ZNF483: variants seen among roughly 807,000 people sequenced by gnomAD.
ZNF483 encodes zinc finger protein 483.
A neutral mutation model predicts 28.6 loss-of-function variants in ZNF483; 9 were observed. The observed-to-expected ratio is 0.32, with a 90% CI of 0.19 to 0.55. The LOEUF is 0.55. Among genes scored for constraint, ZNF483 ranks in the 20% least tolerant of loss-of-function variants. ZNF483 has a pLI of 0.93. For missense variants in ZNF483, 675 were observed against 871.7 expected, an observed-to-expected ratio of 0.77 and a Z score of 2.84; for synonymous variants, 322 against 306.2, an observed-to-expected ratio of 1.05 and a Z score of -0.54.
At chr9:111,560,275 T>TC (rs1828234983), downstream of ZNF483, among the ~76,000 whole-genome samples, 2 of 150,744 alleles carry the variant, frequency 1.3e-5, no homozygotes, top group Non-Finnish European at 3.0e-5. Context: ...GGTCAGGAGA[T>TC]CGAGACCATC....
chr9:111,543,861 C>G lies in ZNF483; in HGVS notation c.*691C>G, dbSNP rs1827737844. On this transcript the variant is annotated 3_prime_UTR_variant, in exon 6 of 6. Coordinates refer to ENST00000309235, the MANE Select transcript of ZNF483 (RefSeq NM_133464.5). Reference sequence around the variant, plus strand: ...TCTTGAACTCCTGGGCTCAAGTGATCCTTCCATCTCACTTTCCTGAGTAGC... The same window carrying G: ...TCTTGAACTCCTGGGCTCAAGTGATGCTTCCATCTCACTTTCCTGAGTAGC... The G allele has an allele frequency of 1.0e-6, 1 of 968,456 alleles. No individual in the cohort carries two copies. The highest frequency in any genetic ancestry group is 6.4e-5 in the Admixed American group (1 of 15,742). 60.0% of individuals were successfully genotyped at this position (968,456 alleles called of 1,614,324 possible). A position where few individuals can be genotyped will look rare whatever the true frequency, so the allele number is the denominator to read the frequency against.
intron 5 of ZNF483, among the ~76,000 whole-genome samples, chr9:111,573,768 A>G (rs1828936206): frequency 6.6e-6 from 1 of 152,176 alleles, no homozygotes; most frequent in Non-Finnish European, 1.5e-5. Context: ...GGCCTGTACA[A>G]GGCATCTCAC....
exon 6 of ZNF483, chr9:111,576,616 A>T: frequency 1.8e-6 from 1 of 552,302 alleles, no homozygotes; most frequent in South Asian, 2.7e-5. Flanking sequence ...ATAAAATAAA[A>T]GCTACTAGGA....
At chr9:111,573,818 T>C (rs982221345) in intron 5 of ZNF483, among the ~76,000 whole-genome samples, 2 of 152,194 alleles carry the variant, frequency 1.3e-5, no homozygotes, top group African/African-American at 2.4e-5. Context: ...TGGTTGATAC[T>C]GCTTTTGGAC....
Position 111,542,726 on chromosome 9 carries a change from T to C in ZNF483, c.1791T>C (p.His597=), listed in dbSNP as rs558664988. The C allele has an allele frequency of 1.2e-6, 2 of 1,614,136 alleles. No individual in the cohort carries two copies. Among genetic ancestry groups the C allele is most frequent in the South Asian group, 1.1e-5 (1 of 91,090 alleles). Residue 597 remains histidine, a synonymous_variant, in exon 6 of 6, where the codon CAT becomes CAC. Coordinates refer to ENST00000309235, the MANE Select transcript of ZNF483 (RefSeq NM_133464.5). This position sits in a 1 kb window ranked among gnomAD's most constrained non-coding sequence, Gnocchi z 6.2. Reference sequence around the variant, plus strand: ...GGCAGAATTCATGCCTTACCCGGCATCAGAGAATTCACACTGGAGAAAAAC... The same window carrying C: ...GGCAGAATTCATGCCTTACCCGGCACCAGAGAATTCACACTGGAGAAAAAC... ...AFRQNSCLTR[H]QRIHTGEKPY... is the part of the protein sequence containing the mutation.
intron 3 of ZNF483, 45 bp from the exon 4 acceptor site, chr9:111,533,694 C>G (rs374717512): frequency 2.0e-6 from 3 of 1,508,920 alleles, no homozygotes; most frequent in Non-Finnish European, 1.8e-6. Context: ...TACTTAGGTT[C>G]TATTTGGGAA....
In ZNF483 at chr9:111,530,794, TATATATACATATATATATATAA is replaced by T. The variant is rs1264581591; in HGVS notation, c.413-80_413-59del. 5.2e-3 allele frequency: 287 copies of T among 55,496 alleles called. 2 individuals are homozygous for T. Among genetic ancestry groups the T allele is most frequent in the African/African-American group, 0.024 (227 of 9,564 alleles). 3.4% of individuals were successfully genotyped at this position (55,496 alleles called of 1,614,324 possible). On this transcript the variant is annotated intron_variant, in intron 2 of 5. Transcript: ENST00000309235. Reference sequence around the variant, plus strand: ...ATATATATATATATATATATATATATATATATACATATATATATATAAGATTTTTAGTCTGAGGAATCTGTAT... The same window carrying T: ...ATATATATATATATATATATATATATGATTTTTAGTCTGAGGAATCTGTAT...
rs188133629 is a variant in ZNF483, at chr9:111,565,268, T to C, written c.722-11097T>C. ...CAGGGAAAAGGAAGCCATCTACAAG[T>C]TGAAAAGAGAGAGGCCTGCAAAGAA... is the stretch of plus-strand genomic sequence containing the variant. On this transcript the variant is annotated intron_variant, in intron 5 of 5. Coordinates refer to the ZNF483 transcript ENST00000358151. Among the ~76,000 whole-genome samples, 455 of 151,984 alleles carry C rather than the reference T, an allele frequency of 3.0e-3. 1 individual carries two copies. The highest frequency in any genetic ancestry group is 4.5e-3 in the Non-Finnish European group (308 of 67,964).
chr9:111,537,146 G>A (rs550456710), intron 5 of ZNF483, among the ~76,000 whole-genome samples: 1 of 151,972 alleles, frequency 6.6e-6, no homozygotes, highest in East Asian at 1.9e-4. Context: ...GGAGGGAACC[G>A]CAAGAGATCC....
chr9:111,534,465 A>T lies in ZNF483; in HGVS notation c.721+112A>T, dbSNP rs138890877. On this transcript the variant is annotated intron_variant, in intron 5 of 5. Transcript: ENST00000309235. ...GATACTAAAATACAAAGATGATTAG[A>T]ATAGAGCCCTTGCCTTCCTGAAATG... The T allele has an allele frequency of 6.9e-4, 611 of 883,964 alleles. 1 individual carries two copies. In the African/African-American group the frequency reaches 7.6e-3, roughly 11 times the overall value. The allele number at this position is 883,964 out of a possible 1,614,324, so 54.8% of individuals were successfully genotyped here. A position where few individuals can be genotyped will look rare whatever the true frequency, so the allele number is the denominator to read the frequency against.
chr9:111,541,414 G>A (rs114808800), intron 5 of ZNF483, among the ~76,000 whole-genome samples: 47 of 152,092 alleles, frequency 3.1e-4, no homozygotes, highest in Non-Finnish European at 5.1e-4. Flanking sequence ...AATTCAAAAT[G>A]AGGGTGAGAA....
chr9:111,570,551 A>G (rs1308557117), intron 5 of ZNF483, among the ~76,000 whole-genome samples: 7 of 151,932 alleles, frequency 4.6e-5, no homozygotes, highest in Non-Finnish European at 1.0e-4. Context: ...CGGGCAGATC[A>G]CAAGGTCAGG....
At position 111,554,663 on chromosome 9, in the gene ZNF483, T is replaced by C. The variant is rs1364213511; in HGVS notation, c.*11493T>C. 6.6e-6 allele frequency among the ~76,000 whole-genome samples: 1 copy of C among 152,204 alleles called. No homozygotes were observed. Among genetic ancestry groups the C allele is most frequent in the Non-Finnish European group, 1.5e-5 (1 of 68,034 alleles). ...CTGGACAAAGGGATAATTTGTGTCCTAGGAGGCACGGAGCAGGATGGCAAG... is the reference window on the plus strand; with the variant it reads ...CTGGACAAAGGGATAATTTGTGTCCCAGGAGGCACGGAGCAGGATGGCAAG... On this transcript the variant is annotated 3_prime_UTR_variant, in exon 6 of 6. Coordinates refer to ENST00000309235, the MANE Select transcript of ZNF483 (RefSeq NM_133464.5).
At chr9:111,574,586 CA>C in intron 5 of ZNF483, 1 of 528,188 alleles carries the variant, frequency 1.9e-6, no homozygotes, top group Non-Finnish European at 3.2e-6. Flanking sequence ...TGAGCACTCA[CA>C]AAGTGAGACT....
chr9:111,563,405 G>C (rs1469779579), intron 5 of ZNF483: 1 of 544,178 alleles, frequency 1.8e-6, no homozygotes, highest in Non-Finnish European at 3.1e-6. Flanking sequence ...CACTTACACA[G>C]TACATGTAAA....
chr9:111,548,796 A>G lies in ZNF483; in HGVS notation c.*5626A>G, dbSNP rs1827860577. Among the ~76,000 whole-genome samples the G allele has an allele frequency of 6.8e-6, 1 of 147,064 alleles. No individual in the cohort carries two copies. Among genetic ancestry groups the G allele is most frequent in the East Asian group, 2.0e-4 (1 of 5,106 alleles). On this transcript the variant is annotated 3_prime_UTR_variant, in exon 6 of 6. Coordinates refer to ENST00000309235, the MANE Select transcript of ZNF483 (RefSeq NM_133464.5). ...CTTGTTTGAAGGACAGTTTTGCTGTATATAGAATTCTCAGTTGACAGTTTT... is the reference window on the plus strand; with the variant it reads ...CTTGTTTGAAGGACAGTTTTGCTGTGTATAGAATTCTCAGTTGACAGTTTT...
In ZNF483 at chr9:111,547,007, A is replaced by T. The variant is rs1451244196; in HGVS notation, c.*3837A>T. Among the ~76,000 whole-genome samples the T allele has an allele frequency of 6.6e-6, 1 of 152,192 alleles. No individual in the cohort carries two copies. Among genetic ancestry groups the T allele is most frequent in the African/African-American group, 2.4e-5 (1 of 41,458 alleles). Reference sequence around the variant, plus strand: ...TCAAGGTTCGGCCGTGTTGTAGCACATATCAGAATTTAATTCCTTTTTAAG... The same window carrying T: ...TCAAGGTTCGGCCGTGTTGTAGCACTTATCAGAATTTAATTCCTTTTTAAG... On this transcript the variant is annotated 3_prime_UTR_variant, in exon 6 of 6. Transcript: ENST00000309235.
intron 5 of ZNF483, chr9:111,539,580 A>T (rs1827617934): frequency 2.5e-6 from 1 of 394,356 alleles, no homozygotes; most frequent in African/African-American, 2.1e-5. Context: ...CCTGACCAAC[A>T]TGGAGAAGCC....
At chr9:111,539,856 G>A (rs1011523706) in intron 5 of ZNF483, 1 of 169,044 alleles carries the variant, frequency 5.9e-6, no homozygotes, top group African/African-American at 2.4e-5. Flanking sequence ...TGAGTTGCGT[G>A]CAGTGGCTCA....
Sources: allele counts gnomAD v4.1 joint callset (sites outside exome capture counted in the v4.1 genomes callset), GRCh38; gene constraint gnomAD v4.1.1; non-coding constraint Gnocchi (gnomAD v3.1); transcripts MANE v1.5; gene names NCBI Gene and HGNC (gene_info 2026-07-23, HGNC 2026-07-21).